SYNE1: variants seen among roughly 807,000 people sequenced by gnomAD.
SYNE1 encodes the protein spectrin repeat containing nuclear envelope protein 1.
A neutral mutation model predicts 1,111.0 loss-of-function variants in SYNE1; 616 were observed. The observed-to-expected ratio is 0.55, with a 90% confidence interval of 0.52 to 0.59. SYNE1 has a LOEUF of 0.59. Ranked by LOEUF, SYNE1 falls within the 20% of genes least tolerant of loss-of-function variation. The pLI is 0.00. For missense variants in SYNE1, 10,006 were observed against 10,417.0 expected (o/e 0.96, Z 1.72); for synonymous variants, 3,855 against 3,825.8 (o/e 1.01, Z -0.28).
intron 3 of SYNE1, among the ~76,000 whole-genome samples, chr6:152,608,796 T>C (rs988657776): frequency 9.2e-5 from 14 of 152,066 alleles, no homozygotes; most frequent in Admixed American, 6.5e-4. Flanking sequence ...TAGCTGGGTG[T>C]GATGGCACAC....
At chr6:152,559,494 G>T (rs1281083638) in intron 3 of SYNE1, among the ~76,000 whole-genome samples, 1 of 152,000 alleles carries the variant, frequency 6.6e-6, no homozygotes, top group Non-Finnish European at 1.5e-5. Flanking sequence ...AAGAAAATTT[G>T]AAAATTCTCA....
chr6:152,194,963 C>T (rs1483207633), intron 127 of SYNE1, among the ~76,000 whole-genome samples: 1 of 151,990 alleles, frequency 6.6e-6, no homozygotes, highest in Non-Finnish European at 1.5e-5. Flanking sequence ...CTCTGTCACC[C>T]AGGCTGGAGT....
intron 4 of SYNE1, among the ~76,000 whole-genome samples, chr6:152,528,552 C>T (rs1407571348): frequency 1.3e-5 from 2 of 152,046 alleles, no homozygotes; most frequent in African/African-American, 4.8e-5. Context: ...GTCACATGTA[C>T]AAATATTTAT....
chr6:152,575,001 A>T (rs981744570), intron 3 of SYNE1, among the ~76,000 whole-genome samples: 36 of 152,240 alleles, frequency 2.4e-4, no homozygotes, highest in Non-Finnish European at 1.8e-4. Flanking sequence ...CATTGGAATT[A>T]TGCTTTCTTA....
At chr6:152,562,766 C>T (rs924496122) in intron 3 of SYNE1, among the ~76,000 whole-genome samples, 1 of 152,112 alleles carries the variant, frequency 6.6e-6, no homozygotes, top group African/African-American at 2.4e-5. Flanking sequence ...CAAACCTGCA[C>T]GTTCTGCACT....
chr6:152,340,310 G>A (rs1442699929), intron 74 of SYNE1, among the ~76,000 whole-genome samples: 2 of 152,140 alleles, frequency 1.3e-5, no homozygotes, highest in Non-Finnish European at 1.5e-5. Context: ...GAGGGTGGGC[G>A]GGGGCAAGTC....
chr6:152,201,528 A>G (rs1270105339), intron 127 of SYNE1, among the ~76,000 whole-genome samples: 2 of 147,508 alleles, frequency 1.4e-5, no homozygotes, highest in Non-Finnish European at 3.0e-5. Flanking sequence ...ATGACTCCCC[A>G]GTGTGGATGC....
chr6:152,219,052 T>A lies in SYNE1; in HGVS notation c.21995A>T (p.His7332Leu). The A allele has an allele frequency of 6.2e-7, 1 of 1,614,160 alleles. No individual in the cohort carries two copies. Among genetic ancestry groups the A allele is most frequent in the East Asian group, 2.2e-5 (1 of 44,880 alleles). Residue 7332 changes from histidine to leucine, a missense_variant, in exon 120 of 146, where the codon CAC (histidine) becomes CTC (leucine). Physicochemically the swap from His to Leu is moderately conservative, Grantham distance 99 (BLOSUM62 -3). Transcript: ENST00000367255. ...IQSDQLSLSQHLCALEQALCK... is the reference protein window; with the variant it reads ...IQSDQLSLSQLLCALEQALCK... Reference sequence around the variant, plus strand: ...GAGAGCTTGCTCCAGGGCACACAAGTGTTGACTCAAAGAGAGTTGATCCGA... The same window carrying A: ...GAGAGCTTGCTCCAGGGCACACAAGAGTTGACTCAAAGAGAGTTGATCCGA...
intron 59 of SYNE1, among the ~76,000 whole-genome samples, chr6:152,371,399 T>C (rs2097177455): frequency 6.6e-6 from 1 of 151,658 alleles, no homozygotes; most frequent in Non-Finnish European, 1.5e-5. Context: ...TCTGCCATGA[T>C]TGTAAATTTC....
At chr6:152,222,471 A>G (rs1476647535) in intron 117 of SYNE1, among the ~76,000 whole-genome samples, 1 of 152,252 alleles carries the variant, frequency 6.6e-6, no homozygotes, top group Non-Finnish European at 1.5e-5. Flanking sequence ...AAGAAGGCAC[A>G]GCTTTGCCAA....
Position 152,323,651 on chromosome 6 carries a change from T to G in SYNE1, c.15744A>C (p.Leu5248Phe), listed in dbSNP as rs1339215928. 2.5e-5 allele frequency: 40 copies of G among 1,614,112 alleles called. No individual in the cohort carries two copies. The highest frequency in any genetic ancestry group is 3.1e-5 in the Non-Finnish European group (37 of 1,180,044). ...ACGTGTCGTGGTATTCAAGAAGAGTTAAGAGCTCTGCTTTCGATGCTTTCT... is the reference window on the plus strand; with the variant it reads ...ACGTGTCGTGGTATTCAAGAAGAGTGAAGAGCTCTGCTTTCGATGCTTTCT... The part of the protein sequence containing the change: ...SAEKASKAEL[L>F]TLLEYHDTFV... Residue 5248 changes from leucine (L) to phenylalanine (F), a missense_variant, in exon 82 of 146, where the codon TTA becomes TTC. This residue lies in a region of SYNE1 where 4,955 missense variants were observed against 5,017.2 expected (regional missense o/e 0.99). Transcript: ENST00000367255.
In SYNE1 at chr6:152,520,510, G is replaced by C. The variant is rs372898362; in HGVS notation, c.258C>G (p.Ile86Met). 1.9e-6 allele frequency: 3 copies of C among 1,613,662 alleles called. No homozygotes were observed. The highest frequency in any genetic ancestry group is 2.5e-6 in the Non-Finnish European group (3 of 1,179,734). ...PCEQGRRMKR[I>M]HAVANIGTAL... is the part of the protein sequence containing the mutation. ...CCGTGCCAATGTTAGCCACAGCATGGATTCGCTTCATCCGGCGTCCTTGTT... is the reference window on the plus strand; with the variant it reads ...CCGTGCCAATGTTAGCCACAGCATGCATTCGCTTCATCCGGCGTCCTTGTT... The change falls in exon 6 of 146, where the codon ATC (isoleucine) becomes ATG (methionine). Residue 86 changes from isoleucine (I) to methionine (M), a missense_variant. Ile to Met is a conservative substitution (Grantham distance 10). Coordinates refer to ENST00000367255, the MANE Select transcript of SYNE1 (RefSeq NM_182961.4).
At chr6:152,300,994 G>A (rs911251347) in intron 92 of SYNE1, among the ~76,000 whole-genome samples, 10 of 152,194 alleles carry the variant, frequency 6.6e-5, no homozygotes, top group Admixed American at 2.0e-4. Flanking sequence ...AATCAGGGAT[G>A]GGGGTGCATA....
rs2096215076 is a variant in SYNE1 at position 152,330,288 on chromosome 6, C to T, written c.14397G>A (p.Glu4799=). ...TTTCCTCATTCACTTTGGACTGCTCCTCTTTTACAGACTTCAGTTGTCTCT... is the reference window on the plus strand; with the variant it reads ...TTTCCTCATTCACTTTGGACTGCTCTTCTTTTACAGACTTCAGTTGTCTCT... ...QLERQLKSVK[E]EQSKVNEETL... Residue 4799 remains glutamate (E), a synonymous_variant, in exon 78 of 146, where the codon GAG becomes GAA. Transcript: ENST00000367255. 6.2e-7 allele frequency: 1 copy of T among 1,614,040 alleles called. No homozygotes were observed. The highest frequency in any genetic ancestry group is 1.1e-5 in the South Asian group (1 of 91,082).
intron 3 of SYNE1, among the ~76,000 whole-genome samples, chr6:152,575,120 G>T (rs899928146): frequency 1.3e-4 from 20 of 152,168 alleles, no homozygotes; most frequent in Admixed American, 1.2e-3. Flanking sequence ...TACAGTTGAT[G>T]AGGTTTTCTC....
rs747538908 is a variant in SYNE1 at position 152,590,099 on chromosome 6, A to AATTATT, written c.67+38160_67+38165dup. Among the ~76,000 whole-genome samples, 911 of 149,478 alleles carry AATTATT rather than the reference A, an allele frequency of 6.1e-3. 7 individuals are homozygous for AATTATT. Among genetic ancestry groups the AATTATT allele is most frequent in the African/African-American group, 0.018 (753 of 40,792 alleles). ...CAGGTGCATGCCACCACACCTGACT[A>AATTATT]ATTATTATTATTATTATTATTATTA... On this transcript the variant is annotated intron_variant, in intron 3 of 145. Coordinates refer to ENST00000367255, the MANE Select transcript of SYNE1 (RefSeq NM_182961.4).
At position 152,122,645 on chromosome 6, in the gene SYNE1, A is replaced by G. The variant is rs2051680034; in HGVS notation, c.26185T>C (p.Ser8729Pro). The change falls in exon 146 of 146, where the codon TCT (serine) becomes CCT (proline). Residue 8729 changes from serine (S) to proline (P), a missense_variant. Ser to Pro is a moderately conservative substitution (Grantham distance 74). Coordinates refer to ENST00000367255, the MANE Select transcript of SYNE1 (RefSeq NM_182961.4). ...CCGGACCGACCTGGCCCTGGCTCAGAAAGGGAGGAATCGGAGCCACCTTTT... is the reference window on the plus strand; with the variant it reads ...CCGGACCGACCTGGCCCTGGCTCAGGAAGGGAGGAATCGGAGCCACCTTTT... ...STKGGSDSSL[S>P]EPGPGRSGRG... is the part of the protein sequence containing the mutation. The G allele has an allele frequency of 1.2e-6, 2 of 1,614,096 alleles. No individual in the cohort carries two copies. Among genetic ancestry groups the G allele is most frequent in the Middle Eastern group, 1.7e-4 (1 of 6,054 alleles).
intron 112 of SYNE1, among the ~76,000 whole-genome samples, chr6:152,233,546 AACT>A (rs2083276090): frequency 6.6e-6 from 1 of 152,002 alleles, no homozygotes; most frequent in South Asian, 2.1e-4. Context: ...GCTGGTCTTG[AACT>A]CCTGAGCTCA....
At chr6:152,514,689 A>G (rs1326721612) in intron 6 of SYNE1, among the ~76,000 whole-genome samples, 1 of 151,944 alleles carries the variant, frequency 6.6e-6, no homozygotes, top group Non-Finnish European at 1.5e-5. Context: ...GACGCCAAAG[A>G]TTGATCTTCC....
Sources: allele counts gnomAD v4.1 joint callset (sites outside exome capture counted in the v4.1 genomes callset), GRCh38; gene constraint gnomAD v4.1.1; regional missense constraint gnomAD v4.1.1; transcripts MANE v1.5; gene names NCBI Gene and HGNC (gene_info 2026-07-23, HGNC 2026-07-21).